Variants in GPC5 observed in about 807,000 individuals in gnomAD.
The protein encoded by GPC5 is glypican 5, also known as glypican-5.
In GPC5, 47 loss-of-function variants were observed where a neutral mutation model predicts 53.9. The observed-to-expected ratio is 0.87, with a 90% CI of 0.69 to 1.11. The LOEUF (loss-of-function observed/expected upper bound fraction) is 1.11, where lower values mean the gene tolerates loss of function less well. Among genes scored for constraint, GPC5 ranks in the 50% most tolerant of loss-of-function variants. The pLI is 0.00. For synonymous variants in GPC5, 286 were observed against 263.3 expected (o/e 1.09, Z -0.84); for missense variants, 748 against 713.1 (o/e 1.05, Z -0.56).
intron 7 of GPC5, among the ~76,000 whole-genome samples, chr13:92,743,041 C>T (rs1440252236): frequency 6.6e-6 from 1 of 151,510 alleles, no homozygotes; most frequent in Non-Finnish European, 1.5e-5. Context: ...GTTCTTTTGG[C>T]TTAGGATTGA....
At chr13:91,728,091 A>T (rs1192106573) in intron 3 of GPC5, among the ~76,000 whole-genome samples, 22 of 152,186 alleles carry the variant, frequency 1.4e-4, no homozygotes, top group Admixed American at 1.4e-3. Flanking sequence ...TTAAGAAGAA[A>T]ACTACAAAGA....
intron 6 of GPC5, among the ~76,000 whole-genome samples, chr13:91,972,671 A>G (rs901482558): frequency 8.5e-5 from 13 of 152,156 alleles, no homozygotes; most frequent in Non-Finnish European, 1.6e-4. Context: ...GGTGGTGACA[A>G]AATCTCTCAG....
intron 7 of GPC5, among the ~76,000 whole-genome samples, chr13:92,169,285 T>C (rs575580614): frequency 6.6e-6 from 1 of 152,342 alleles, no homozygotes; most frequent in Admixed American, 6.5e-5. Flanking sequence ...CCATGGCACA[T>C]GTTTACCTAT....
chr13:92,763,703 T>C (rs1465893748), intron 7 of GPC5, among the ~76,000 whole-genome samples: 1 of 152,016 alleles, frequency 6.6e-6, no homozygotes, highest in Non-Finnish European at 1.5e-5. Context: ...ATGTAAAATG[T>C]CCAAAAAGCC....
intron 7 of GPC5, among the ~76,000 whole-genome samples, chr13:92,335,884 T>G (rs138090291): frequency 2.4e-4 from 36 of 152,270 alleles, no homozygotes; most frequent in Middle Eastern, 3.4e-3. Flanking sequence ...TTCCAAACTT[T>G]CCAACCTCTT....
At chr13:92,188,038 G>A (rs772142393) in intron 7 of GPC5, among the ~76,000 whole-genome samples, 1 of 152,098 alleles carries the variant, frequency 6.6e-6, no homozygotes, top group Non-Finnish European at 1.5e-5. Context: ...TGATATGACA[G>A]TACCTACTTT....
In GPC5 at chr13:91,921,705, G is replaced by A. The variant is rs76937339; in HGVS notation, c.1401+13648G>A. Among the ~76,000 whole-genome samples the A allele has an allele frequency of 5.4e-3, 816 of 151,918 alleles. 8 individuals are homozygous for A. Among genetic ancestry groups the A allele is most frequent in the African/African-American group, 0.019 (775 of 41,438 alleles). On this transcript the variant is annotated intron_variant, in intron 6 of 7. Coordinates refer to ENST00000377067, the MANE Select transcript of GPC5 (RefSeq NM_004466.6). ...TCATGTCTATAATCCCAGCATGTTA[G>A]GAGCCTAACGTGGTAGGGTCACTTA...
Position 91,773,579 on chromosome 13 carries a change from A to G in GPC5, c.1280+17159A>G, listed in dbSNP as rs9523409. Among the ~76,000 whole-genome samples, 765 of 152,316 alleles carry G rather than the reference A, an allele frequency of 5.0e-3. 2 individuals carry two copies. The highest frequency in any genetic ancestry group is 8.3e-3 in the Non-Finnish European group (565 of 68,034). On this transcript the variant is annotated intron_variant, in intron 5 of 7. Coordinates refer to ENST00000377067, the MANE Select transcript of GPC5 (RefSeq NM_004466.6). The stretch of plus-strand genomic sequence containing the variant: ...AATTTTTATATACAATTTTGAGTGC[A>G]GATATTTTGGTTAAAGATTTCTCCA...
chr13:92,818,110 T>C (rs1024548456), intron 7 of GPC5, among the ~76,000 whole-genome samples: 1 of 151,430 alleles, frequency 6.6e-6, no homozygotes, highest in Non-Finnish European at 1.5e-5. Flanking sequence ...CCTTCTGGGT[T>C]CAAGTGATTG....
chr13:91,697,896 A>T (rs1594446208), intron 3 of GPC5, among the ~76,000 whole-genome samples: 1 of 145,710 alleles, frequency 6.9e-6, no homozygotes, highest in Non-Finnish European at 1.5e-5. Flanking sequence ...GGAAAAAAAG[A>T]TGTTTTCTTT....
intron 7 of GPC5, among the ~76,000 whole-genome samples, chr13:92,212,445 A>C (rs2042382040): frequency 6.6e-6 from 1 of 152,190 alleles, no homozygotes; most frequent in Non-Finnish European, 1.5e-5. Context: ...AAACAGCAAA[A>C]TTCATGAGCA....
intron 7 of GPC5, among the ~76,000 whole-genome samples, chr13:92,655,254 G>A (rs918983371): frequency 2.6e-5 from 4 of 151,790 alleles, no homozygotes; most frequent in Admixed American, 2.0e-4. Flanking sequence ...TCATCCACCG[G>A]CAAACATTTT....
chr13:91,642,855 A>G (rs900861013), intron 2 of GPC5, among the ~76,000 whole-genome samples: 3 of 152,024 alleles, frequency 2.0e-5, no homozygotes, highest in African/African-American at 7.2e-5. Flanking sequence ...GTGGGAGGTG[A>G]TCAGATGTAA....
intron 5 of GPC5, among the ~76,000 whole-genome samples, chr13:91,808,782 G>A (rs2038263989): frequency 6.6e-6 from 1 of 152,054 alleles, no homozygotes; most frequent in Admixed American, 6.6e-5. Context: ...GTATTCCCCA[G>A]TCCCTGCCAC....
intron 3 of GPC5, among the ~76,000 whole-genome samples, chr13:91,708,593 A>G (rs1008534971): frequency 5.3e-5 from 8 of 152,190 alleles, no homozygotes; most frequent in African/African-American, 1.4e-4. Context: ...ATATTGTAAA[A>G]TTAGATAATG....
intron 2 of GPC5, among the ~76,000 whole-genome samples, chr13:91,645,126 A>G (rs1413642447): frequency 6.6e-6 from 1 of 152,236 alleles, no homozygotes; most frequent in Non-Finnish European, 1.5e-5. Context: ...AAAGGAATCA[A>G]GACAAATTGA....
At chr13:92,602,065 A>T (rs1884076168) in intron 7 of GPC5, among the ~76,000 whole-genome samples, 1 of 150,198 alleles carries the variant, frequency 6.7e-6, no homozygotes, top group African/African-American at 2.4e-5. Context: ...GTTGGCTTGC[A>T]TTTATATTAC....
intron 2 of GPC5, among the ~76,000 whole-genome samples, chr13:91,657,038 T>C (rs2034862451): frequency 6.6e-6 from 1 of 152,074 alleles, no homozygotes; most frequent in South Asian, 2.1e-4. Context: ...TTACTAAATA[T>C]ATATGAGATA....
At chr13:91,791,687 C>G (rs2037967300) in intron 5 of GPC5, among the ~76,000 whole-genome samples, 1 of 148,634 alleles carries the variant, frequency 6.7e-6, no homozygotes, top group Non-Finnish European at 1.5e-5. Context: ...TGAGGCAGCT[C>G]TCCGTTGTAA....
Sources: allele counts gnomAD v4.1 joint callset (sites outside exome capture counted in the v4.1 genomes callset), GRCh38; gene constraint gnomAD v4.1.1; transcripts MANE v1.5; gene names NCBI Gene and HGNC (gene_info 2026-07-23, HGNC 2026-07-21).